OPCML: variants seen among roughly 807,000 people sequenced by gnomAD.
The protein encoded by OPCML is opioid binding protein/cell adhesion molecule like, also known as opioid-binding protein/cell adhesion molecule.
In OPCML, 13 loss-of-function variants were observed where a neutral mutation model predicts 37.8. The observed-to-expected ratio is 0.34, with a 90% confidence interval of 0.22 to 0.55. OPCML has a LOEUF of 0.55. OPCML is among the 20% of genes least tolerant of loss of function. The probability of loss-of-function intolerance (pLI) is 0.91; values close to 1 mark genes in which losing one functional copy is unlikely to be tolerated. For missense variants in OPCML, 341 were observed against 435.6 expected (o/e 0.78, Z 1.93); for synonymous variants, 176 against 168.8 (o/e 1.04, Z -0.33).
intron 1 of OPCML, among the ~76,000 whole-genome samples, chr11:133,086,015 A>G (rs1948813709): frequency 6.6e-6 from 1 of 152,238 alleles, no homozygotes; most frequent in Admixed American, 6.5e-5. Context: ...CAGAGAAAAT[A>G]GAGGACAGTT....
chr11:133,131,494 A>G (rs935024431), intron 1 of OPCML, among the ~76,000 whole-genome samples: 1 of 152,216 alleles, frequency 6.6e-6, no homozygotes. Context: ...ATTTACTACA[A>G]TTAAAAATAG....
chr11:133,243,220 A>G (rs1441082575), intron 1 of OPCML, among the ~76,000 whole-genome samples: 1 of 152,220 alleles, frequency 6.6e-6, no homozygotes, highest in Non-Finnish European at 1.5e-5. Context: ...TATCTAGTGC[A>G]GTACTCCAAA....
At chr11:133,465,128 T>A (rs1946947092) in intron 1 of OPCML, among the ~76,000 whole-genome samples, 1 of 152,192 alleles carries the variant, frequency 6.6e-6, no homozygotes, top group Admixed American at 6.5e-5. Flanking sequence ...TCAGCAGAAC[T>A]TAATTCCTTC....
chr11:132,705,565 C>A (rs1012151299), intron 2 of OPCML, among the ~76,000 whole-genome samples: 6 of 151,954 alleles, frequency 3.9e-5, no homozygotes, highest in African/African-American at 1.5e-4. Flanking sequence ...GCACACCAGC[C>A]TGAGCAACAG....
intron 1 of OPCML, among the ~76,000 whole-genome samples, chr11:133,405,985 T>G (rs1429428115): frequency 1.3e-5 from 2 of 152,204 alleles, no homozygotes; most frequent in African/African-American, 4.8e-5. Context: ...CCCTTCAGTT[T>G]GTTTCTATTG....
At chr11:133,158,772 A>T (rs1374764498) in intron 1 of OPCML, among the ~76,000 whole-genome samples, 1 of 149,466 alleles carries the variant, frequency 6.7e-6, no homozygotes, top group African/African-American at 2.5e-5. Flanking sequence ...ATTAAAAAAA[A>T]TTTCTAGGAG....
At chr11:132,864,793 T>C (rs1185652137) in intron 2 of OPCML, among the ~76,000 whole-genome samples, 1 of 152,222 alleles carries the variant, frequency 6.6e-6, no homozygotes. Flanking sequence ...TTTTTTTCTA[T>C]CTGGGGTTCT....
chr11:133,132,505 G>T (rs571786051), intron 1 of OPCML, among the ~76,000 whole-genome samples: 2 of 152,136 alleles, frequency 1.3e-5, no homozygotes, highest in African/African-American at 2.4e-5. Flanking sequence ...CCTATTATAT[G>T]AGCCAGCCAT....
At chr11:133,038,045 CA>C (rs1947813634) in intron 1 of OPCML, among the ~76,000 whole-genome samples, 1 of 152,242 alleles carries the variant, frequency 6.6e-6, no homozygotes, top group Non-Finnish European at 1.5e-5. Context: ...CAAGTTTTAG[CA>C]GAAGGATTTT....
At chr11:133,198,292 GT>G (rs1273366880) in intron 1 of OPCML, among the ~76,000 whole-genome samples, 1 of 152,210 alleles carries the variant, frequency 6.6e-6, no homozygotes, top group East Asian at 1.9e-4. Flanking sequence ...CAGGAGTTTT[GT>G]AGTTTTCTCA....
intron 1 of OPCML, among the ~76,000 whole-genome samples, chr11:133,035,144 C>G (rs1947754967): frequency 6.6e-6 from 1 of 152,190 alleles, no homozygotes; most frequent in Admixed American, 6.5e-5. Flanking sequence ...GATATGCAGT[C>G]TTGCTCATAG....
intron 4 of OPCML, among the ~76,000 whole-genome samples, chr11:132,443,052 G>A (rs2096041912): frequency 6.6e-6 from 1 of 152,192 alleles, no homozygotes; most frequent in Non-Finnish European, 1.5e-5. Flanking sequence ...TCACCTCTAA[G>A]CATCTCCACC....
chr11:133,517,449 G>A (rs1055879954), intron 1 of OPCML, among the ~76,000 whole-genome samples: 7 of 152,188 alleles, frequency 4.6e-5, no homozygotes, highest in Non-Finnish European at 7.3e-5. Flanking sequence ...GAAAGTGATC[G>A]TGTACTGCTA....
At chr11:132,706,766 A>C (rs921200281) in intron 2 of OPCML, among the ~76,000 whole-genome samples, 2 of 152,192 alleles carry the variant, frequency 1.3e-5, no homozygotes, top group African/African-American at 4.8e-5. Flanking sequence ...GACCCTGGTA[A>C]ACTGGTAGTG....
At chr11:132,805,258 C>T (rs982946435) in intron 2 of OPCML, among the ~76,000 whole-genome samples, 3 of 151,956 alleles carry the variant, frequency 2.0e-5, no homozygotes, top group Admixed American at 6.6e-5. Flanking sequence ...GGATTTTATG[C>T]AATTTTAAGA....
intron 1 of OPCML, among the ~76,000 whole-genome samples, chr11:133,523,851 T>G (rs1213211330): frequency 1.3e-5 from 2 of 152,200 alleles, no homozygotes; most frequent in African/African-American, 4.8e-5. Flanking sequence ...CTACTCCTCC[T>G]CCTTCAAATC....
chr11:133,061,062 C>A (rs1948333175), intron 1 of OPCML, among the ~76,000 whole-genome samples: 1 of 152,114 alleles, frequency 6.6e-6, no homozygotes, highest in Non-Finnish European at 1.5e-5. Flanking sequence ...TGGGGAGTGT[C>A]CCTATGTTGC....
At chr11:133,065,004 G>A (rs961643137) in intron 1 of OPCML, 1 of 152,434 alleles carries the variant, frequency 6.6e-6, no homozygotes, top group African/African-American at 2.4e-5. Context: ...GGGCCAGGGT[G>A]GGGTGAGTGG....
intron 1 of OPCML, among the ~76,000 whole-genome samples, chr11:133,463,502 A>T (rs2136990526): frequency 6.6e-6 from 1 of 152,324 alleles, no homozygotes; most frequent in South Asian, 2.1e-4. Context: ...CTGAAAGGAT[A>T]TCCTATTTAT....
Sources: gnomAD v4.1 joint callset for allele counts (sites outside exome capture counted in the v4.1 genomes callset) on GRCh38, gnomAD v4.1.1 for gene constraint, MANE v1.5 for transcripts, NCBI Gene and HGNC (gene_info 2026-07-23, HGNC 2026-07-21) for gene names.